ZNF335: variants seen among roughly 807,000 people sequenced by gnomAD.
ZNF335 encodes NRC-interacting factor 1.
Under a neutral mutation model 145.6 loss-of-function variants are expected in ZNF335, and 84 were observed. That is an observed-to-expected ratio of 0.58 (90% CI 0.48 to 0.69). The LOEUF (loss-of-function observed/expected upper bound fraction) is 0.69, where lower values mean the gene tolerates loss of function less well. Ranked by LOEUF, ZNF335 falls within the 30% of genes least tolerant of loss-of-function variation. ZNF335 has a pLI of 0.00. For missense variants in ZNF335, 1,865 were observed against 1,809.7 expected (o/e 1.03, Z -0.55); for synonymous variants, 761 against 717.0 (o/e 1.06, Z -0.98).
In ZNF335 at chr20:45,971,595, G is replaced by A. The variant is rs977408325; in HGVS notation, c.-50-135C>T. ...GTCTCCGACGGGGCGGAGCTTCCTG[G>A]TGTATTGCGAGGGGAGCTCGGGAAA... On this transcript the variant is annotated intron_variant, in intron 1 of 27. Coordinates refer to ENST00000322927, the MANE Select transcript of ZNF335 (RefSeq NM_022095.4). The A allele has an allele frequency of 2.1e-6, 3 of 1,440,482 alleles. No individual in the cohort carries two copies. In the African/African-American group the frequency reaches 4.3e-5, roughly 21 times the overall value. 89.2% of individuals were successfully genotyped at this position (1,440,482 alleles called of 1,614,324 possible). A position where few individuals can be genotyped will look rare whatever the true frequency, so the allele number is the denominator to read the frequency against.
Position 45,967,013 on chromosome 20 carries a change from T to A in ZNF335, c.955+481A>T, listed in dbSNP as rs137905143. 149 of 181,954 alleles carry A rather than the reference T, an allele frequency of 8.2e-4. 1 individual carries two copies. The highest frequency in any genetic ancestry group is 3.1e-3 in the African/African-American group (131 of 42,612). The allele number at this position is 181,954 out of a possible 1,614,324, so 11.3% of individuals were successfully genotyped here. A position where few individuals can be genotyped will look rare whatever the true frequency, so the allele number is the denominator to read the frequency against. On this transcript the variant is annotated intron_variant, in intron 6 of 27. Coordinates refer to ENST00000322927, the MANE Select transcript of ZNF335 (RefSeq NM_022095.4). ...ATTACAGACACATACCACAACAGGC[T>A]AATTTTTGTATTTTTCATAGAGATG...
At position 45,949,827 on chromosome 20, in the gene ZNF335, T is replaced by C. The variant is rs1320310807; in HGVS notation, c.3642A>G (p.Val1214=). The change falls in exon 24 of 28, where the codon GTA becomes GTG. Residue 1214 remains valine (V), a synonymous_variant. Coordinates refer to ENST00000322927, the MANE Select transcript of ZNF335 (RefSeq NM_022095.4). ...QEITTADGQT[V]QHLVTSDNQV... ...GGTTGTCGGAGGTCACCAGGTGCTGTACGGTCTGGCCATCTGCCGTGGTGA... is the reference window on the plus strand; with the variant it reads ...GGTTGTCGGAGGTCACCAGGTGCTGCACGGTCTGGCCATCTGCCGTGGTGA... 2 of 1,614,018 alleles carry C rather than the reference T, an allele frequency of 1.2e-6. No homozygotes were observed. The highest frequency in any genetic ancestry group is 4.5e-5 in the East Asian group (2 of 44,892).
In ZNF335 at chr20:45,948,804, A is replaced by T. The variant is rs1422215831; in HGVS notation, c.*149T>A. 2 of 1,333,640 alleles carry T rather than the reference A, an allele frequency of 1.5e-6. No homozygotes were observed. Among genetic ancestry groups the T allele is most frequent in the Admixed American group, 1.9e-5 (1 of 53,774 alleles). The allele number at this position is 1,333,640 out of a possible 1,614,324, so 82.6% of individuals were successfully genotyped here. ...GGGGCCCATGGCTGCCCCTAACCCC[A>T]ACAGCACAGGTCTGGCTCCCTGGGA... On this transcript the variant is annotated 3_prime_UTR_variant, in exon 28 of 28. Coordinates refer to ENST00000322927, the MANE Select transcript of ZNF335 (RefSeq NM_022095.4).
At chr20:45,972,036 G>A in intron 1 of ZNF335, 86 bp downstream of exon 1, 1 of 1,249,214 alleles carries the variant, frequency 8.0e-7, no homozygotes, top group Non-Finnish European at 1.0e-6. Flanking sequence ...CCGCCGGCCT[G>A]GGACCTCGCC....
chr20:45,950,715 C>A, intron 20 of ZNF335, 120 bp from the exon 21 acceptor site: 2 of 1,377,672 alleles, frequency 1.5e-6, no homozygotes, highest in Non-Finnish European at 1.0e-6. Flanking sequence ...AAACCAAAAT[C>A]CTGTGCACTA....
At chr20:45,970,691 T>A (rs2084042632) in intron 2 of ZNF335, among the ~76,000 whole-genome samples, 1 of 151,644 alleles carries the variant, frequency 6.6e-6, no homozygotes, top group Non-Finnish European at 1.5e-5. Context: ...GCCGGGATAC[T>A]GAGGCTCAAA....
At chr20:45,969,423 C>T (rs2084016152) in intron 3 of ZNF335, 28 bp downstream of exon 3, 3 of 1,489,412 alleles carry the variant, frequency 2.0e-6, no homozygotes, top group South Asian at 2.7e-5. Flanking sequence ...GCAGGAAAAC[C>T]CCTGTGGGGC....
Position 45,967,871 on chromosome 20 carries a change from T to A in ZNF335, c.677A>T (p.Glu226Val). Residue 226 changes from glutamate to valine, a missense_variant, in exon 5 of 28, where the codon GAA (glutamate) becomes GTA (valine). Physicochemically the swap from Glu to Val is moderately radical, Grantham distance 121 (BLOSUM62 -2). Coordinates refer to ENST00000322927, the MANE Select transcript of ZNF335 (RefSeq NM_022095.4). Reference sequence around the variant, plus strand: ...CTCCAGGCTCTGCAGGTCCGGCTCTTCGGCACCGGAGGCTGGGGGCAGCTG... The same window carrying A: ...CTCCAGGCTCTGCAGGTCCGGCTCTACGGCACCGGAGGCTGGGGGCAGCTG... ...PVQLPPASGAEEPDLQSLEAM... is the reference protein window; with the variant it reads ...PVQLPPASGAVEPDLQSLEAM... The A allele has an allele frequency of 3.1e-6, 5 of 1,612,874 alleles. No homozygotes were observed. The highest frequency in any genetic ancestry group is 4.2e-6 in the Non-Finnish European group (5 of 1,179,672).
At chr20:45,965,817 C>G (rs973443302) in intron 6 of ZNF335, 43 bp from the exon 7 acceptor site, 3 of 1,573,050 alleles carry the variant, frequency 1.9e-6, no homozygotes, top group Non-Finnish European at 8.6e-7. Context: ...GTGGCGGGAC[C>G]TGCCCTTTCA....
intron 3 of ZNF335, 89 bp from the exon 4 acceptor site, chr20:45,968,451 C>G: frequency 8.0e-7 from 1 of 1,250,716 alleles, no homozygotes. Flanking sequence ...GGCCTGTGAG[C>G]AGGGCTGGTC....
In ZNF335 at chr20:45,949,487, G is replaced by C. The variant is rs775007394; in HGVS notation, c.3751C>G (p.Gln1251Glu). The C allele has an allele frequency of 6.2e-7, 1 of 1,613,850 alleles. No homozygotes were observed. The highest frequency in any genetic ancestry group is 2.2e-5 in the East Asian group (1 of 44,888). ...YVVVPEGHHI[Q>E]VQEGQITHIQ... ...CCCTCATCCCAGGTCTGGCCTACCT[G>C]GATGTGATGGCCTTCAGGGACCACA... Residue 1251 changes from glutamine to glutamate, a missense_variant and splice_region_variant, in exon 25 of 28, where the codon CAG (glutamine) becomes GAG (glutamate). Physicochemically the swap from Gln to Glu is conservative, Grantham distance 29. Coordinates refer to ENST00000322927, the MANE Select transcript of ZNF335 (RefSeq NM_022095.4).
At chr20:45,971,800 C>A in intron 1 of ZNF335, 3 of 985,360 alleles carry the variant, frequency 3.0e-6, no homozygotes, top group Non-Finnish European at 3.6e-6. Flanking sequence ...GGTTGCAGGG[C>A]CGGTGGTACA....
chr20:45,962,800 C>A (rs1169355013), intron 9 of ZNF335, among the ~76,000 whole-genome samples: 29 of 116,652 alleles, frequency 2.5e-4, no homozygotes, highest in Admixed American at 2.2e-3. Context: ...AAAAAGGAAC[C>A]GTTTTTTTTT....
chr20:45,949,914 AC>A, intron 23 of ZNF335, 37 bp from the exon 24 acceptor site: 1 of 1,613,334 alleles, frequency 6.2e-7, no homozygotes, highest in South Asian at 1.1e-5. Context: ...TCATTTCTCT[AC>A]CCCAACCCCT....
chr20:45,961,225 T>C (rs1365152125), intron 10 of ZNF335, among the ~76,000 whole-genome samples: 1 of 151,976 alleles, frequency 6.6e-6, no homozygotes. Context: ...AAAAAAAAAT[T>C]AGTAAATAAT....
chr20:45,962,130 C>T lies in ZNF335; in HGVS notation c.1586G>A (p.Ser529Asn), dbSNP rs2083854265. 6.2e-7 allele frequency: 1 copy of T among 1,613,904 alleles called. No homozygotes were observed. The highest frequency in any genetic ancestry group is 8.5e-7 in the Non-Finnish European group (1 of 1,180,022). ...GTCCTTCCGGTAGACACTGGTGTAG[C>T]TGCACTCGTCACACTTGTAGGGCTT... ...GSKPYKCDEC[S>N]YTSVYRKDVI... Residue 529 changes from serine (S) to asparagine (N), a missense_variant, in exon 10 of 28, where the codon AGC becomes AAC. By Grantham distance (46) the Ser-to-Asn change is conservative. Coordinates refer to ENST00000322927, the MANE Select transcript of ZNF335 (RefSeq NM_022095.4).
rs138997893 is a variant in ZNF335, at chr20:45,950,278, T to C, written c.3428A>G (p.Gln1143Arg). The C allele has an allele frequency of 1.8e-4, 276 of 1,555,150 alleles. No individual in the cohort carries two copies. The highest frequency in any genetic ancestry group is 2.3e-4 in the Non-Finnish European group (267 of 1,149,736). Reference sequence around the variant, plus strand: ...CAGGATGATGGTCTGGGTTGGGGTCTGGGTAGGGGCCCGGGCTGTAGGGGT... The same window carrying C: ...CAGGATGATGGTCTGGGTTGGGGTCCGGGTAGGGGCCCGGGCTGTAGGGGT... ...SGTPTARAPT[Q>R]TPTQTIILNS... The change falls in exon 22 of 28, where the codon CAG (glutamine) becomes CGG (arginine). Residue 1143 changes from glutamine (Q) to arginine (R), a missense_variant. Physicochemically the swap from Gln to Arg is conservative, Grantham distance 43. Coordinates refer to ENST00000322927, the MANE Select transcript of ZNF335 (RefSeq NM_022095.4).
Position 45,963,999 on chromosome 20 carries a change from G to T in ZNF335, c.1103-9C>A. On this transcript the variant is annotated splice_polypyrimidine_tract_variant and intron_variant, in intron 7 of 27. Coordinates refer to ENST00000322927, the MANE Select transcript of ZNF335 (RefSeq NM_022095.4). Reference sequence around the variant, plus strand: ...AGGCTCTCCTTCCACACCTGCCACGGACATGCCAGGTCACAAGCCAGCCAC... The same window carrying T: ...AGGCTCTCCTTCCACACCTGCCACGTACATGCCAGGTCACAAGCCAGCCAC... 1.3e-6 allele frequency: 2 copies of T among 1,514,490 alleles called. No homozygotes were observed. 93.8% of individuals were successfully genotyped at this position (1,514,490 alleles called of 1,614,324 possible).
chr20:45,950,296 G>GT lies in ZNF335; in HGVS notation c.3409dup (p.Thr1137AsnfsTer18). On this transcript the variant is annotated frameshift_variant, in exon 22 of 28. Coordinates refer to ENST00000322927, the MANE Select transcript of ZNF335 (RefSeq NM_022095.4). LOFTEE classifies it high-confidence loss of function. ...TGGGGTCTGGGTAGGGGCCCGGGCT[G>GT]TAGGGGTTCCTGACTTCCTCCCATC... 6.4e-7 allele frequency: 1 copy of GT among 1,563,834 alleles called. No homozygotes were observed. Among genetic ancestry groups the GT allele is most frequent in the Non-Finnish European group, 8.7e-7 (1 of 1,153,294 alleles).
Sources: allele counts gnomAD v4.1 joint callset (sites outside exome capture counted in the v4.1 genomes callset), GRCh38; gene constraint gnomAD v4.1.1; transcripts MANE v1.5; gene names NCBI Gene and HGNC (gene_info 2026-07-23, HGNC 2026-07-21).